Variants in NEBL observed in about 807,000 individuals in gnomAD.
The protein encoded by NEBL is LIM and SH3 protein 2.
NEBL carries 122 observed loss-of-function variants against 140.2 expected under a neutral mutation model. The observed-to-expected ratio is 0.87, with a 90% CI of 0.75 to 1.01. The LOEUF (loss-of-function observed/expected upper bound fraction) is 1.01. Among genes scored for constraint, NEBL ranks in the 50% least tolerant of loss-of-function variants. The probability of loss-of-function intolerance (pLI) is 0.00; values close to 1 mark genes in which losing one functional copy is unlikely to be tolerated. For synonymous variants in NEBL, 436 were observed against 398.9 expected, an observed-to-expected ratio of 1.09 and a Z score of -1.11; for missense variants, 1,365 against 1,231.3, an observed-to-expected ratio of 1.11 and a Z score of -1.62.
chr10:20,977,206 C>T (rs1162478475), intron 3 of NEBL, among the ~76,000 whole-genome samples: 4 of 152,152 alleles, frequency 2.6e-5, no homozygotes, highest in Admixed American at 2.6e-4. Flanking sequence ...CGGAAGTCAG[C>T]ACGTCACATT....
intron 2 of NEBL, among the ~76,000 whole-genome samples, chr10:21,169,024 G>T (rs1190576500): frequency 8.0e-6 from 1 of 125,200 alleles, no homozygotes; most frequent in East Asian, 2.4e-4. Context: ...ACTCCAGCCT[G>T]CGCTACAGAG....
chr10:21,029,309 C>T, intron 2 of NEBL: 1 of 1,609,870 alleles, frequency 6.2e-7, no homozygotes. Flanking sequence ...GGGAACCTAT[C>T]CTATGATGTG....
intron 3 of NEBL, among the ~76,000 whole-genome samples, chr10:21,183,414 T>C (rs922180028): frequency 6.6e-6 from 1 of 152,008 alleles, no homozygotes; most frequent in African/African-American, 2.4e-5. Flanking sequence ...AGAGCACAGA[T>C]GCAGGGACCT....
intron 3 of NEBL, among the ~76,000 whole-genome samples, chr10:21,212,515 T>C (rs10082513): frequency 1.6e-4 from 25 of 152,228 alleles, no homozygotes; most frequent in African/African-American, 5.8e-4. Flanking sequence ...ACACTCGTCA[T>C]TTCTCAAGAG....
intron 3 of NEBL, among the ~76,000 whole-genome samples, chr10:20,964,911 C>A (rs1454519894): frequency 6.6e-6 from 1 of 152,204 alleles, no homozygotes; most frequent in Non-Finnish European, 1.5e-5. Context: ...CTTTTACAAT[C>A]AAAAGAATTC....
In NEBL at chr10:21,004,069, G is replaced by A. The variant is rs535091089; in HGVS notation, c.249+16048C>T. ...TGTAACCTGAAATTTTTTCTTATAC[G>A]CATACACATAAGTACGTGTATATTA... On this transcript the variant is annotated intron_variant, in intron 3 of 6. Coordinates refer to the NEBL transcript ENST00000417816. Among the ~76,000 whole-genome samples the A allele has an allele frequency of 1.6e-4, 25 of 152,160 alleles. 1 individual carries two copies. The South Asian group carries it at 4.8e-3, about 29-fold the overall frequency.
chr10:20,858,516 GTT>G (rs1488703253), intron 8 of NEBL, among the ~76,000 whole-genome samples, 172 bp from the exon 9 acceptor site: 1 of 152,140 alleles, frequency 6.6e-6, no homozygotes, highest in Admixed American at 6.6e-5. Flanking sequence ...ATTTTAAAAA[GTT>G]ATTTCTATAT....
Position 20,783,750 on chromosome 10 carries a change from A to AT in NEBL, c.*1996dup, listed in dbSNP as rs888916846. 3 of 152,534 alleles carry AT rather than the reference A, an allele frequency of 2.0e-5. No individual in the cohort carries two copies. Among genetic ancestry groups the AT allele is most frequent in the Non-Finnish European group, 2.9e-5 (2 of 68,014 alleles). 9.4% of individuals were successfully genotyped at this position (152,534 alleles called of 1,614,324 possible). On this transcript the variant is annotated 3_prime_UTR_variant, in exon 28 of 28. Coordinates refer to ENST00000377122, the MANE Select transcript of NEBL (RefSeq NM_006393.3). ...ATTTTATCCTCAGTTTTAACGACAG[A>AT]TTTTTTTGCAAAAATATTGCAAGTT... is the stretch of plus-strand genomic sequence containing the variant.
chr10:21,109,583 C>T (rs1356366262), intron 2 of NEBL, among the ~76,000 whole-genome samples: 3 of 152,118 alleles, frequency 2.0e-5, no homozygotes, highest in African/African-American at 7.2e-5. Flanking sequence ...GGTTCCATCT[C>T]CTCTTTGTAT....
chr10:21,136,859 ACTCGT>A (rs1442740477), intron 2 of NEBL, among the ~76,000 whole-genome samples: 1 of 152,114 alleles, frequency 6.6e-6, no homozygotes, highest in Admixed American at 6.5e-5. Context: ...ATAACTTCTT[ACTCGT>A]CTCTGGATGG....
chr10:21,077,732 T>C (rs978723187), intron 2 of NEBL, among the ~76,000 whole-genome samples: 1 of 152,230 alleles, frequency 6.6e-6, no homozygotes, highest in Non-Finnish European at 1.5e-5. Context: ...CTTCATTTTC[T>C]GTCCTCCCTT....
chr10:21,151,663 T>C (rs1452968854), intron 2 of NEBL, among the ~76,000 whole-genome samples: 1 of 152,044 alleles, frequency 6.6e-6, no homozygotes, highest in Non-Finnish European at 1.5e-5. Context: ...GGCCCCTTCC[T>C]CCTTTCCACA....
chr10:21,084,612 A>T (rs1836536279), intron 2 of NEBL, among the ~76,000 whole-genome samples: 1 of 152,188 alleles, frequency 6.6e-6, no homozygotes, highest in South Asian at 2.1e-4. Flanking sequence ...AAAAATAAAA[A>T]AATAAAAATA....
At chr10:21,178,316 TG>T (rs1841334853), upstream of NEBL, among the ~76,000 whole-genome samples, 1 of 152,146 alleles carries the variant, frequency 6.6e-6, no homozygotes, top group Non-Finnish European at 1.5e-5. Flanking sequence ...GGAAATGCAT[TG>T]GGGAATAAGA....
At chr10:21,041,126 G>A (rs755669354) in intron 2 of NEBL, among the ~76,000 whole-genome samples, 15 of 152,150 alleles carry the variant, frequency 9.9e-5, no homozygotes, top group South Asian at 2.1e-4. Flanking sequence ...TGTATGTCAT[G>A]GGGGTTTGGT....
chr10:21,214,783 T>C lies in NEBL; in HGVS notation n.348+33138A>G, dbSNP rs78776945. On this transcript the variant is annotated intron_variant and non_coding_transcript_variant, in intron 3 of 8. Coordinates refer to the NEBL transcript ENST00000675702. ...GGGAAAAAATGGAAATCACTTTTAA[T>C]TGAAGCTCCCAGAATTAATCATTGT... Among the ~76,000 whole-genome samples the C allele has an allele frequency of 8.0e-4, 122 of 152,342 alleles. 2 individuals carry two copies. The East Asian group carries it at 0.022, about 27-fold the overall frequency.
Position 20,845,290 on chromosome 10 carries a change from G to C in NEBL, c.1195C>G (p.His399Asp). 1 of 1,597,290 alleles carries C rather than the reference G, an allele frequency of 6.3e-7. No homozygotes were observed. The highest frequency in any genetic ancestry group is 8.6e-7 in the Non-Finnish European group (1 of 1,165,142). ...AGAAGGTTGGTGATGTACTTTACAT[G>C]TAAAAATTCTGGAGTCTTGTCTAAA... ...LDLDKTPEFL[H>D]VKYITNLLRE... Residue 399 changes from histidine to aspartate, a missense_variant, in exon 12 of 28, where the codon CAT becomes GAT. By Grantham distance (81) the His-to-Asp change is moderately conservative. Around this residue, in one of 2 missense-constraint regions of NEBL, gnomAD observed 1,323 missense variants for 1,154.8 expected, o/e 1.15. Transcript: ENST00000377122.
At chr10:21,080,814 T>C (rs969839805) in intron 2 of NEBL, among the ~76,000 whole-genome samples, 3 of 152,136 alleles carry the variant, frequency 2.0e-5, no homozygotes, top group Non-Finnish European at 1.5e-5. Context: ...ATTGATATTC[T>C]GGTAGGTGTC....
At chr10:20,964,190 C>T (rs935054853) in intron 3 of NEBL, among the ~76,000 whole-genome samples, 2 of 152,078 alleles carry the variant, frequency 1.3e-5, no homozygotes, top group Non-Finnish European at 2.9e-5. Flanking sequence ...AAAAAGGACA[C>T]CACATCCACA....
Sources: allele counts gnomAD v4.1 joint callset (sites outside exome capture counted in the v4.1 genomes callset), GRCh38; gene constraint gnomAD v4.1.1; regional missense constraint gnomAD v4.1.1; transcripts MANE v1.5; gene names NCBI Gene and HGNC (gene_info 2026-07-23, HGNC 2026-07-21).